RBPJ: variants seen among roughly 807,000 people sequenced by gnomAD.
The protein encoded by RBPJ is recombination signal binding protein for immunoglobulin kappa J region, also known as recombining binding protein suppressor of hairless.
A neutral mutation model predicts 67.8 loss-of-function variants in RBPJ; 9 were observed. That is an observed-to-expected ratio of 0.13 (90% CI 0.08 to 0.23). RBPJ has a LOEUF of 0.23. Among genes scored for constraint, RBPJ ranks in the 10% least tolerant of loss-of-function variants. RBPJ has a pLI of 1.00. For synonymous variants in RBPJ, 198 were observed against 203.3 expected, an observed-to-expected ratio of 0.97 and a Z score of 0.22; for missense variants, 305 against 595.6, an observed-to-expected ratio of 0.51 and a Z score of 5.08.
intron 2 of RBPJ, among the ~76,000 whole-genome samples, chr4:26,401,219 G>A (rs888479488): frequency 6.6e-5 from 10 of 152,322 alleles, no homozygotes; most frequent in Non-Finnish European, 1.5e-4. Context: ...TTATCTTACA[G>A]GTGAGAAAAC....
intron 1 of RBPJ, among the ~76,000 whole-genome samples, chr4:26,302,009 T>G (rs942739124): frequency 3.3e-5 from 5 of 152,172 alleles, no homozygotes; most frequent in Admixed American, 2.0e-4. Context: ...GCCAGGCTGG[T>G]CTCGAACTCC....
At chr4:26,183,714 T>A (rs575897731) in intron 1 of RBPJ, among the ~76,000 whole-genome samples, 171 of 152,248 alleles carry the variant, frequency 1.1e-3, no homozygotes, top group Non-Finnish European at 1.8e-3. Context: ...TCTGTCCTGT[T>A]AAAGAAAAAA....
At chr4:26,126,914 T>C in the RBPJ span, among the ~76,000 whole-genome samples, 2 of 152,228 alleles carry the variant, frequency 1.3e-5, no homozygotes, top group East Asian at 3.8e-4. Flanking sequence ...ATGAACTTCA[T>C]GGACTGAGCT....
chr4:26,191,196 T>A (rs866420207), intron 1 of RBPJ, among the ~76,000 whole-genome samples: 6 of 27,332 alleles, frequency 2.2e-4, no homozygotes, highest in Admixed American at 5.8e-4. Context: ...TATATATATA[T>A]ATATATATAT....
intron 5 of RBPJ, among the ~76,000 whole-genome samples, chr4:26,421,774 A>T (rs549196411): frequency 1.3e-5 from 2 of 152,306 alleles, no homozygotes; most frequent in African/African-American, 4.8e-5. Flanking sequence ...TGCAATAGTG[A>T]CTAATACATG....
chr4:26,186,737 T>C (rs1202710906), intron 1 of RBPJ, among the ~76,000 whole-genome samples: 1 of 152,242 alleles, frequency 6.6e-6, no homozygotes, highest in African/African-American at 2.4e-5. Flanking sequence ...ACTATACTTC[T>C]TTATACATTT....
chr4:26,126,163 A>G, the RBPJ span, among the ~76,000 whole-genome samples: 1 of 152,276 alleles, frequency 6.6e-6, no homozygotes, highest in African/African-American at 2.4e-5. Context: ...CACTTTAAAA[A>G]GTCTGCACTT....
intron 1 of RBPJ, among the ~76,000 whole-genome samples, chr4:26,292,948 A>T (rs945576125): frequency 2.0e-5 from 3 of 150,708 alleles, no homozygotes; most frequent in African/African-American, 7.3e-5. Flanking sequence ...TCACTTTGAT[A>T]TATGGTTTCC....
intron 1 of RBPJ, among the ~76,000 whole-genome samples, chr4:26,224,230 A>G (rs1256847695): frequency 6.6e-6 from 1 of 152,040 alleles, no homozygotes; most frequent in Non-Finnish European, 1.5e-5. Context: ...TTCCGTAAGA[A>G]CACAAGATTC....
intron 1 of RBPJ, among the ~76,000 whole-genome samples, chr4:26,308,857 G>A (rs1489654320): frequency 5.3e-5 from 8 of 152,160 alleles, no homozygotes; most frequent in Non-Finnish European, 1.0e-4. Flanking sequence ...AAGGCCATCT[G>A]TGTTCAAGGT....
chr4:26,123,764 T>C, the RBPJ span, among the ~76,000 whole-genome samples: 1 of 152,116 alleles, frequency 6.6e-6, no homozygotes, highest in Non-Finnish European at 1.5e-5. Flanking sequence ...ACACACACAT[T>C]AGCCTGTGCC....
intron 1 of RBPJ, among the ~76,000 whole-genome samples, chr4:26,352,228 C>T (rs1470673967): frequency 6.6e-6 from 1 of 152,140 alleles, no homozygotes; most frequent in Non-Finnish European, 1.5e-5. Context: ...CAGTCCAAGA[C>T]TAAGGTGCCA....
chr4:26,319,612 C>A, upstream of RBPJ: 1 of 579,198 alleles, frequency 1.7e-6, no homozygotes, highest in Non-Finnish European at 3.1e-6. Flanking sequence ...GGGGCACGTT[C>A]TCGCGAGGTT....
chr4:26,267,604 T>A (rs1002710081), intron 1 of RBPJ, among the ~76,000 whole-genome samples: 7 of 151,848 alleles, frequency 4.6e-5, no homozygotes, highest in East Asian at 1.9e-4. Context: ...ATGTAATTTT[T>A]AAATTTATTT....
intron 1 of RBPJ, among the ~76,000 whole-genome samples, chr4:26,342,140 C>T (rs1725602887): frequency 1.3e-5 from 2 of 152,062 alleles, no homozygotes; most frequent in Non-Finnish European, 2.9e-5. Context: ...CTAGCAAGTT[C>T]CCGGATGATT....
chr4:26,283,340 T>C (rs1721345225), intron 1 of RBPJ, among the ~76,000 whole-genome samples: 1 of 150,634 alleles, frequency 6.6e-6, no homozygotes, highest in African/African-American at 2.4e-5. Context: ...AGGTCAGGAG[T>C]TCAAGGCCAG....
chr4:26,259,224 G>A (rs1720449569), intron 1 of RBPJ, among the ~76,000 whole-genome samples: 1 of 152,138 alleles, frequency 6.6e-6, no homozygotes, highest in South Asian at 2.1e-4. Flanking sequence ...TTGATGACAG[G>A]AATGTGTAGA....
At chr4:26,304,916 GC>G (rs1181969808) in intron 1 of RBPJ, among the ~76,000 whole-genome samples, 9 of 151,210 alleles carry the variant, frequency 6.0e-5, no homozygotes, top group African/African-American at 2.2e-4. Flanking sequence ...AGAAATCATT[GC>G]TAATCCAAGA....
At chr4:26,355,641 A>G (rs998019212) in intron 1 of RBPJ, among the ~76,000 whole-genome samples, 1 of 152,154 alleles carries the variant, frequency 6.6e-6, no homozygotes, top group African/African-American at 2.4e-5. Context: ...CCATCTCTTA[A>G]AACATCAAAA....
Sources: allele counts gnomAD v4.1 joint callset (sites outside exome capture counted in the v4.1 genomes callset), GRCh38; gene constraint gnomAD v4.1.1; transcripts MANE v1.5; gene names NCBI Gene and HGNC (gene_info 2026-07-23, HGNC 2026-07-21).